The following TMPRSS7 variants were observed in gnomAD, a reference collection of about 807,000 sequenced individuals.
The protein encoded by TMPRSS7 is transmembrane serine protease 7.
TMPRSS7 carries 81 observed loss-of-function variants against 95.6 expected under a neutral mutation model. The ratio of observed to expected loss-of-function variants is 0.85; its 90% CI spans 0.71 to 1.02. The LOEUF (loss-of-function observed/expected upper bound fraction) is 1.02. TMPRSS7 is among the 50% of genes least tolerant of loss of function. TMPRSS7 has a pLI of 0.00. For missense variants in TMPRSS7, 945 were observed against 955.2 expected (o/e 0.99, Z 0.14); for synonymous variants, 364 against 337.8 (o/e 1.08, Z -0.85).
chr3:112,062,600 C>G (rs1203176126), intron 11 of TMPRSS7, among the ~76,000 whole-genome samples: 1 of 152,222 alleles, frequency 6.6e-6, no homozygotes, highest in Non-Finnish European at 1.5e-5. Context: ...CCATGTCCTT[C>G]TTTGCCAATC....
intron 9 of TMPRSS7, among the ~76,000 whole-genome samples, chr3:112,053,852 A>G (rs1404350938): frequency 6.6e-6 from 1 of 152,188 alleles, no homozygotes; most frequent in Non-Finnish European, 1.5e-5. Flanking sequence ...TTTCTTAACA[A>G]TCACTTAGCT....
chr3:112,060,138 G>T (rs185751780), intron 10 of TMPRSS7, among the ~76,000 whole-genome samples: 1 of 152,330 alleles, frequency 6.6e-6, no homozygotes, highest in Non-Finnish European at 1.5e-5. Flanking sequence ...TTCAAAAGGG[G>T]AGGGAGTGTA....
At chr3:112,047,991 G>A in intron 7 of TMPRSS7, 24 bp downstream of exon 7, 2 of 1,595,678 alleles carry the variant, frequency 1.3e-6, no homozygotes, top group Non-Finnish European at 1.7e-6. Context: ...ACTCTTCTTG[G>A]TGGGTAAAAA....
rs115248847 is a variant in TMPRSS7 at position 112,048,416 on chromosome 3, T to C, written c.959+449T>C. Among the ~76,000 whole-genome samples, 869 of 152,338 alleles carry C rather than the reference T, an allele frequency of 5.7e-3. 7 individuals are homozygous for C. The highest frequency in any genetic ancestry group is 0.02 in the African/African-American group (833 of 41,576). ...GGTTAGAGGAAACGGTATCAATTAC[T>C]TCACAACCTCATTATTCAGAGCAAA... is the stretch of plus-strand genomic sequence containing the variant. On this transcript the variant is annotated intron_variant, in intron 7 of 17. Transcript: ENST00000452346.
intron 9 of TMPRSS7, among the ~76,000 whole-genome samples, chr3:112,051,561 AT>A (rs2107744255): frequency 1.4e-5 from 2 of 146,236 alleles, no homozygotes; most frequent in Admixed American, 6.7e-5. Context: ...CTATCTATCT[AT>A]CTATGTATCT....
chr3:112,050,850 T>C (rs1269468096), intron 9 of TMPRSS7, 67 bp downstream of exon 9: 8 of 779,568 alleles, frequency 1.0e-5, no homozygotes, highest in South Asian at 2.1e-5. Context: ...TGAATTTCAT[T>C]CATTTTTTAA....
chr3:112,068,429 C>T (rs1336352711), intron 13 of TMPRSS7, among the ~76,000 whole-genome samples: 2 of 152,244 alleles, frequency 1.3e-5, no homozygotes, highest in East Asian at 3.8e-4. Flanking sequence ...TGGCCATTTT[C>T]ATGATATGGA....
chr3:112,043,917 G>T (rs1183719784), intron 3 of TMPRSS7, among the ~76,000 whole-genome samples: 1 of 152,214 alleles, frequency 6.6e-6, no homozygotes, highest in African/African-American at 2.4e-5. Context: ...ACTGTACTAT[G>T]AAAATGTACT....
Position 112,061,675 on chromosome 3 carries a change from C to T in TMPRSS7, c.1311-112C>T, listed in dbSNP as rs1174069695. 2.6e-6 allele frequency: 3 copies of T among 1,157,784 alleles called. No homozygotes were observed. The East Asian group carries it at 7.6e-5, about 29-fold the overall frequency. 71.7% of individuals were successfully genotyped at this position (1,157,784 alleles called of 1,614,324 possible). ...TAACTACCATTAGCTCTACCATACG[C>T]ATCTCTGTTTGTGAAAACCAAATGA... is the stretch of plus-strand genomic sequence containing the variant. On this transcript the variant is annotated intron_variant, in intron 10 of 17. Coordinates refer to ENST00000452346, the Ensembl canonical transcript of TMPRSS7.
At chr3:112,051,661 T>TATC (rs879435000) in intron 9 of TMPRSS7, among the ~76,000 whole-genome samples, 6,260 of 105,742 alleles carry the variant, frequency 0.059, 145 homozygotes, top group African/African-American at 0.065. Context: ...TCTATCTATC[T>TATC]ATCTATCATC....
intron 13 of TMPRSS7, among the ~76,000 whole-genome samples, chr3:112,069,821 A>G (rs1000745562): frequency 6.6e-6 from 1 of 151,682 alleles, no homozygotes; most frequent in Non-Finnish European, 1.5e-5. Flanking sequence ...TTGTGTCTCT[A>G]TCTCTTTCAG....
chr3:112,074,407 G>C, exon 14 of TMPRSS7: 1 of 1,609,058 alleles, frequency 6.2e-7, no homozygotes, highest in Non-Finnish European at 8.5e-7. Context: ...GATGAAGAAG[G>C]CTGCAGTAAG....
chr3:112,072,501 G>A (rs905785676), intron 13 of TMPRSS7, among the ~76,000 whole-genome samples: 6 of 152,222 alleles, frequency 3.9e-5, no homozygotes, highest in Non-Finnish European at 5.9e-5. Flanking sequence ...GCTCTCTTTA[G>A]AGCTGTCAGA....
chr3:112,045,869 C>A (rs1295333916), exon 5 of TMPRSS7: 11 of 1,551,890 alleles, frequency 7.1e-6, no homozygotes, highest in East Asian at 2.4e-5. Flanking sequence ...TCCATCCAGA[C>A]AAGCATCATA....
intron 13 of TMPRSS7, among the ~76,000 whole-genome samples, chr3:112,072,884 A>G (rs2073667554): frequency 1.3e-5 from 2 of 152,220 alleles, no homozygotes; most frequent in African/African-American, 4.8e-5. Context: ...ATACGTGTGC[A>G]TGTGTCTTTA....
intron 12 of TMPRSS7, among the ~76,000 whole-genome samples, chr3:112,064,871 T>C (rs1191492391): frequency 6.6e-6 from 1 of 152,228 alleles, no homozygotes; most frequent in Non-Finnish European, 1.5e-5. Flanking sequence ...CACTGGACTA[T>C]GTGACACCAT....
chr3:112,060,246 G>A (rs965076977), intron 10 of TMPRSS7, among the ~76,000 whole-genome samples: 10 of 152,296 alleles, frequency 6.6e-5, no homozygotes, highest in Admixed American at 2.6e-4. Flanking sequence ...CCACAGGACC[G>A]GGGCAAAATT....
chr3:112,055,436 C>T (rs549935629), intron 9 of TMPRSS7, among the ~76,000 whole-genome samples: 126 of 140,004 alleles, frequency 9.0e-4, no homozygotes, highest in African/African-American at 3.1e-3. Flanking sequence ...ACATTGGAAA[C>T]AAGCAAACAC....
At chr3:112,048,055 T>A (rs1048729384) in intron 7 of TMPRSS7, 88 bp downstream of exon 7, 36 of 1,287,174 alleles carry the variant, frequency 2.8e-5, no homozygotes, top group South Asian at 4.1e-5. Context: ...GATTTTTTTT[T>A]AAAAACAGTT....
Sources: allele counts gnomAD v4.1 joint callset (sites outside exome capture counted in the v4.1 genomes callset), GRCh38; gene constraint gnomAD v4.1.1; transcripts MANE v1.5; gene names NCBI Gene and HGNC (gene_info 2026-07-23, HGNC 2026-07-21).